KIRREL1: variants seen among roughly 807,000 people sequenced by gnomAD.
KIRREL1 encodes kirre like nephrin family adhesion molecule 1, also known as kin of IRRE-like protein 1.
In KIRREL1, 25 loss-of-function variants were observed where a neutral mutation model predicts 83.3. The observed-to-expected ratio is 0.30, with a 90% CI of 0.22 to 0.42. The LOEUF is 0.42. Ranked by LOEUF, KIRREL1 falls within the 10% of genes least tolerant of loss-of-function variation. The pLI is 1.00. For synonymous variants in KIRREL1, 388 were observed against 410.4 expected (o/e 0.95, Z 0.66); for missense variants, 812 against 1,032.3 (o/e 0.79, Z 2.92).
chr1:158,039,241 C>T (rs915998239), intron 1 of KIRREL1, among the ~76,000 whole-genome samples: 1 of 152,182 alleles, frequency 6.6e-6, no homozygotes, highest in Non-Finnish European at 1.5e-5. Flanking sequence ...ATAGAATTGT[C>T]CACGAAGAGG....
At position 158,089,537 on chromosome 1, in the gene KIRREL1, G is replaced by A. The variant is rs201805473; in HGVS notation, c.1080G>A (p.Ser360=). ...ACAGCAACCAGCTGCTGCTGAAGTC[G>A]GTGACTCAGGCAGACGCTGGCACCT... ...LSNSNQLLLK[S]VTQADAGTYT... Residue 360 remains serine, a synonymous_variant, in exon 9 of 15, where the codon TCG becomes TCA. Coordinates refer to ENST00000359209, the MANE Select transcript of KIRREL1 (RefSeq NM_018240.7). The A allele has an allele frequency of 2.5e-4, 398 of 1,614,162 alleles. 7 individuals are homozygous for A. In the South Asian group the frequency reaches 4.0e-3, roughly 16 times the overall value.
rs1288005605 is a variant in KIRREL1 at position 158,097,458 on chromosome 1, T to C, written c.*2338T>C. ...GGTTACTAGGTAATTGAGCTGATGG[T>C]GCAGGGAGAATTGTTGAGAAAGGAA... is the stretch of plus-strand genomic sequence containing the variant. On this transcript the variant is annotated 3_prime_UTR_variant, in exon 15 of 15. Coordinates refer to ENST00000359209, the MANE Select transcript of KIRREL1 (RefSeq NM_018240.7). The C allele has an allele frequency of 4.6e-6, 1 of 215,182 alleles. No individual in the cohort carries two copies. The highest frequency in any genetic ancestry group is 1.3e-4 in the East Asian group (1 of 7,632). The allele number at this position is 215,182 out of a possible 1,614,324, so 13.3% of individuals were successfully genotyped here.
intron 1 of KIRREL1, among the ~76,000 whole-genome samples, chr1:158,039,262 G>A (rs1279476475): frequency 1.3e-5 from 2 of 152,190 alleles, no homozygotes; most frequent in Non-Finnish European, 2.9e-5. Context: ...AGCCCTGACT[G>A]CTCAGCAGTA....
intron 1 of KIRREL1, among the ~76,000 whole-genome samples, chr1:158,070,852 C>T (rs1273301382): frequency 1.3e-5 from 2 of 152,134 alleles, no homozygotes; most frequent in East Asian, 1.9e-4. Context: ...CCCTATTGCT[C>T]TCCTAATTTC....
At chr1:158,065,433 G>T (rs930490128) in intron 1 of KIRREL1, among the ~76,000 whole-genome samples, 3 of 152,200 alleles carry the variant, frequency 2.0e-5, no homozygotes, top group Non-Finnish European at 4.4e-5. Context: ...CAGAGGGGAT[G>T]GCTTTACTAA....
At chr1:158,086,786 G>A (rs1354320956) in intron 5 of KIRREL1, 40 bp downstream of exon 5, 6 of 1,521,100 alleles carry the variant, frequency 3.9e-6, no homozygotes, top group Non-Finnish European at 3.6e-6. Context: ...CAGGGGGGTG[G>A]AAGAAGGGGT....
chr1:158,041,351 G>C (rs1390898991), intron 1 of KIRREL1, among the ~76,000 whole-genome samples: 1 of 152,234 alleles, frequency 6.6e-6, no homozygotes. Context: ...TTATCCAGGA[G>C]AGAAAGATAG....
At chr1:158,040,672 A>C (rs1297589790) in intron 1 of KIRREL1, among the ~76,000 whole-genome samples, 1 of 152,202 alleles carries the variant, frequency 6.6e-6, no homozygotes, top group Non-Finnish European at 1.5e-5. Context: ...TTCAGGTGAA[A>C]ATGGAGGGGA....
chr1:158,038,719 A>G (rs1660542901), intron 1 of KIRREL1, among the ~76,000 whole-genome samples: 1 of 152,114 alleles, frequency 6.6e-6, no homozygotes, highest in Admixed American at 6.6e-5. Context: ...ACTGAACAAA[A>G]ATAGGGTTCC....
chr1:158,075,193 A>T (rs1355618328), intron 1 of KIRREL1, among the ~76,000 whole-genome samples: 1 of 152,118 alleles, frequency 6.6e-6, no homozygotes, highest in Non-Finnish European at 1.5e-5. Flanking sequence ...GGTGGGGGAG[A>T]AAAAACCCGC....
intron 1 of KIRREL1, chr1:158,025,776 G>A (rs1030349660): frequency 6.6e-6 from 1 of 151,476 alleles, no homozygotes; most frequent in Non-Finnish European, 1.5e-5. Context: ...AGCCACAGAA[G>A]AGGCACGCAT....
intron 1 of KIRREL1, among the ~76,000 whole-genome samples, chr1:158,039,711 A>G (rs997309122): frequency 3.3e-5 from 5 of 152,054 alleles, no homozygotes; most frequent in Non-Finnish European, 7.4e-5. Flanking sequence ...CATGTCTCCT[A>G]TCAGGCCTGT....
At chr1:158,077,962 G>GT (rs1661732289) in intron 2 of KIRREL1, 29 bp from the exon 3 acceptor site, 16 of 1,612,570 alleles carry the variant, frequency 9.9e-6, no homozygotes, top group Non-Finnish European at 1.4e-5. Flanking sequence ...TTGTTTCAAG[G>GT]TTGGGCCTCA....
chr1:158,064,295 A>G (rs1189831620), intron 1 of KIRREL1, among the ~76,000 whole-genome samples: 1 of 152,200 alleles, frequency 6.6e-6, no homozygotes, highest in African/African-American at 2.4e-5. Flanking sequence ...GTTAACTGCC[A>G]TGGGGAAAAG....
chr1:158,076,134 A>G lies in KIRREL1; in HGVS notation c.74A>G (p.Gln25Arg). 3 of 1,614,134 alleles carry G rather than the reference A, an allele frequency of 1.9e-6. No individual in the cohort carries two copies. Among genetic ancestry groups the G allele is most frequent in the East Asian group, 2.2e-5 (1 of 44,860 alleles). Residue 25 changes from glutamine to arginine, a missense_variant, in exon 2 of 15, where the codon CAG becomes CGG. Physicochemically the swap from Gln to Arg is conservative, Grantham distance 43 (BLOSUM62 1). Transcript: ENST00000359209. ...GCAGGGACCCAGACCCGCTTCAGCC[A>G]GGAGCCAGCTGACCAGACGGTGGTG... ...FSQGTQTRFS[Q>R]EPADQTVVAG...
intron 1 of KIRREL1, among the ~76,000 whole-genome samples, chr1:158,036,879 A>G (rs1660489456): frequency 6.6e-6 from 1 of 152,172 alleles, no homozygotes; most frequent in Admixed American, 6.5e-5. Flanking sequence ...GCCGTTAGAC[A>G]GGAGTGAGGA....
At chr1:158,023,089 G>T (rs1301566746) in intron 1 of KIRREL1, among the ~76,000 whole-genome samples, 2 of 152,192 alleles carry the variant, frequency 1.3e-5, no homozygotes. Context: ...CAAAGGTCAT[G>T]GCCTGGAAGG....
At chr1:158,046,280 G>A (rs1033294893) in intron 1 of KIRREL1, among the ~76,000 whole-genome samples, 2 of 152,180 alleles carry the variant, frequency 1.3e-5, no homozygotes, top group African/African-American at 4.8e-5. Context: ...AAGGGTGAGA[G>A]GGAAAGATCA....
chr1:158,000,109 A>G (rs998141417), intron 1 of KIRREL1, among the ~76,000 whole-genome samples: 5 of 152,092 alleles, frequency 3.3e-5, no homozygotes, highest in African/African-American at 1.2e-4. Context: ...CTGCACACCT[A>G]CCTGTTCTGC....
Sources: gnomAD v4.1 joint callset for allele counts (sites outside exome capture counted in the v4.1 genomes callset) on GRCh38, gnomAD v4.1.1 for gene constraint, MANE v1.5 for transcripts, NCBI Gene and HGNC (gene_info 2026-07-23, HGNC 2026-07-21) for gene names.